The following ERBB4 variants were observed in gnomAD, a reference collection of about 807,000 sequenced individuals.
ERBB4 encodes the protein erb-b2 receptor tyrosine kinase 4, also known as receptor tyrosine-protein kinase erbB-4.
A neutral mutation model predicts 158.0 loss-of-function variants in ERBB4; 42 were observed. The observed-to-expected ratio is 0.27, with a 90% CI of 0.21 to 0.34. The LOEUF is 0.34. Among genes scored for constraint, ERBB4 ranks in the 10% least tolerant of loss-of-function variants. The probability of loss-of-function intolerance (pLI) is 1.00; values close to 1 mark genes in which losing one functional copy is unlikely to be tolerated. For missense variants in ERBB4, 1,333 were observed against 1,624.1 expected, an observed-to-expected ratio of 0.82 and a Z score of 3.08; for synonymous variants, 583 against 558.7, an observed-to-expected ratio of 1.04 and a Z score of -0.61.
In ERBB4 at chr2:212,538,509, A is replaced by G; in HGVS notation, c.22T>C (p.Trp8Arg). 1 of 1,614,096 alleles carries G rather than the reference A, an allele frequency of 6.2e-7. No homozygotes were observed. The highest frequency in any genetic ancestry group is 8.5e-7 in the Non-Finnish European group (1 of 1,179,944). Residue 8 changes from tryptophan (W) to arginine (R), a missense_variant, in exon 1 of 28, where the codon TGG (tryptophan) becomes CGG (arginine). This residue lies in a region of ERBB4 where 438 missense variants were observed against 586.9 expected (regional missense o/e 0.75). Coordinates refer to ENST00000342788, the MANE Select transcript of ERBB4 (RefSeq NM_005235.3). Reference sequence around the variant, plus strand: ...GCCACGAGAAGGCTCACCCAGACCCAAAGTCCTGTCGCCGGCTTCATTTTT... The same window carrying G: ...GCCACGAGAAGGCTCACCCAGACCCGAAGTCCTGTCGCCGGCTTCATTTTT... MKPATGL[W>R]VWVSLLVAAG...
intron 1 of ERBB4, among the ~76,000 whole-genome samples, chr2:212,367,117 G>T (rs1326379893): frequency 6.6e-6 from 1 of 151,988 alleles, no homozygotes; most frequent in Non-Finnish European, 1.5e-5. Context: ...ATGCAGAGAA[G>T]AGATCATGTG....
chr2:211,872,090 T>A (rs200556436), intron 3 of ERBB4, among the ~76,000 whole-genome samples: 1 of 51,850 alleles, frequency 1.9e-5, no homozygotes, highest in Non-Finnish European at 5.7e-5. Context: ...ATGAATGAAT[T>A]ATTAATTTTC....
At chr2:212,417,015 T>C (rs891250475) in intron 1 of ERBB4, among the ~76,000 whole-genome samples, 3 of 151,994 alleles carry the variant, frequency 2.0e-5, no homozygotes, top group Non-Finnish European at 4.4e-5. Flanking sequence ...AAAAGTATAC[T>C]ACCTAAAGGA....
intron 25 of ERBB4, among the ~76,000 whole-genome samples, chr2:211,393,753 G>A (rs866758021): frequency 0.025 from 3,383 of 136,794 alleles, 67 homozygotes; most frequent in African/African-American, 0.069. Context: ...GTGTGTGTGT[G>A]TGTGTGTGTG....
intron 1 of ERBB4, among the ~76,000 whole-genome samples, chr2:212,189,558 C>T (rs1249142322): frequency 1.3e-5 from 2 of 152,112 alleles, no homozygotes; most frequent in African/African-American, 4.8e-5. Context: ...TTGAGAGCGA[C>T]ATATCAAAGA....
chr2:211,701,627 G>C (rs749414585), intron 12 of ERBB4, among the ~76,000 whole-genome samples: 134 of 151,724 alleles, frequency 8.8e-4, no homozygotes, highest in Admixed American at 2.4e-3. Flanking sequence ...GCGCGGCGGC[G>C]GGCGCCTGTA....
At chr2:211,778,769 T>C (rs2075959971) in intron 4 of ERBB4, 1 of 152,210 alleles carries the variant, frequency 6.6e-6, no homozygotes, top group East Asian at 1.9e-4. Context: ...ACCACTATTA[T>C]TAACATAAAC....
At chr2:212,348,161 T>A (rs73074242) in intron 1 of ERBB4, among the ~76,000 whole-genome samples, 2,927 of 152,266 alleles carry the variant, frequency 0.019, 97 homozygotes, top group African/African-American at 0.067. Context: ...TAGTCTGTCA[T>A]TGAAACTGAG....
At chr2:211,539,556 A>G (rs1225945466) in intron 20 of ERBB4, among the ~76,000 whole-genome samples, 1 of 152,022 alleles carries the variant, frequency 6.6e-6, no homozygotes, top group Non-Finnish European at 1.5e-5. Context: ...AAATAAATAC[A>G]TAAATGTCAT....
At chr2:211,446,399 G>A (rs2064113634) in intron 20 of ERBB4, among the ~76,000 whole-genome samples, 1 of 152,160 alleles carries the variant, frequency 6.6e-6, no homozygotes, top group Non-Finnish European at 1.5e-5. Flanking sequence ...GAGACAGGAG[G>A]ACAGAGATAA....
At chr2:212,359,306 A>G (rs1357875267) in intron 1 of ERBB4, among the ~76,000 whole-genome samples, 2 of 151,608 alleles carry the variant, frequency 1.3e-5, no homozygotes, top group African/African-American at 4.8e-5. Context: ...ATCTCCATCA[A>G]TCTATATCGC....
At chr2:211,530,507 T>G (rs1013262283) in intron 20 of ERBB4, among the ~76,000 whole-genome samples, 2 of 152,078 alleles carry the variant, frequency 1.3e-5, no homozygotes, top group Non-Finnish European at 2.9e-5. Context: ...ATCTTAAAAT[T>G]TATATGGAAC....
Position 211,675,792 on chromosome 2 carries a change from T to TTATATATATATATATATATATATA in ERBB4, c.1623-2536_1623-2535insTATATATATATATATATATATATA, listed in dbSNP as rs34492305. 6.5e-4 allele frequency among the ~76,000 whole-genome samples: 61 copies of TTATATATATATATATATATATATA among 93,558 alleles called. 2 individuals carry two copies. The highest frequency in any genetic ancestry group is 1.6e-3 in the Admixed American group (15 of 9,472). The allele number at this position is 93,558 out of a possible 152,430, so 61.4% of individuals were successfully genotyped here. ...TATAATATATATATAAAATATAATA[T>TTATATATATATATATATATATATA]TATATATATATATATATAACAAATA... On this transcript the variant is annotated intron_variant, in intron 13 of 27. Coordinates refer to ENST00000342788, the MANE Select transcript of ERBB4 (RefSeq NM_005235.3).
chr2:212,536,766 T>C (rs909748211), intron 1 of ERBB4, among the ~76,000 whole-genome samples: 1 of 152,170 alleles, frequency 6.6e-6, no homozygotes, highest in Admixed American at 6.5e-5. Context: ...GGTCCCCCAG[T>C]GGCAGAGGCT....
At chr2:211,518,999 C>T (rs73073158) in intron 20 of ERBB4, among the ~76,000 whole-genome samples, 43,308 of 151,838 alleles carry the variant, frequency 0.29, 6,188 homozygotes, top group Middle Eastern at 0.41. Flanking sequence ...GCTTCCTTGC[C>T]TTCCAACTTC....
At chr2:212,156,485 C>T (rs980177329) in intron 1 of ERBB4, among the ~76,000 whole-genome samples, 5 of 152,038 alleles carry the variant, frequency 3.3e-5, no homozygotes, top group African/African-American at 9.6e-5. Flanking sequence ...ATTGTCAGCC[C>T]GAGGCGGGGA....
intron 1 of ERBB4, among the ~76,000 whole-genome samples, chr2:212,384,622 T>C (rs529698530): frequency 3.3e-5 from 5 of 151,778 alleles, no homozygotes; most frequent in Non-Finnish European, 5.9e-5. Flanking sequence ...GTTTTATAAC[T>C]ATTTCAAAGA....
intron 9 of ERBB4, among the ~76,000 whole-genome samples, chr2:211,707,048 A>C (rs2073473116): frequency 6.6e-6 from 1 of 152,196 alleles, no homozygotes; most frequent in Non-Finnish European, 1.5e-5. Flanking sequence ...TTTGATGAAA[A>C]GCAGAGTATA....
chr2:211,561,065 GA>G (rs2067378930), intron 20 of ERBB4, among the ~76,000 whole-genome samples: 1 of 152,056 alleles, frequency 6.6e-6, no homozygotes, highest in African/African-American at 2.4e-5. Flanking sequence ...TATTTCTCTA[GA>G]AATAGAAAAT....
Sources: gnomAD v4.1 joint callset for allele counts (sites outside exome capture counted in the v4.1 genomes callset) on GRCh38, gnomAD v4.1.1 for gene constraint, gnomAD v4.1.1 regional missense constraint, MANE v1.5 for transcripts, NCBI Gene and HGNC (gene_info 2026-07-23, HGNC 2026-07-21) for gene names.